Variants in MACF1 observed in about 807,000 individuals in gnomAD.
MACF1 encodes microtubule-actin cross-linking factor 1.
MACF1 carries 193 observed loss-of-function variants against 854.8 expected under a neutral mutation model. The ratio of observed to expected loss-of-function variants is 0.23; its 90% CI spans 0.20 to 0.25. MACF1 has a LOEUF of 0.25. Ranked by LOEUF, MACF1 falls within the 10% of genes least tolerant of loss-of-function variation. The probability of loss-of-function intolerance (pLI) is 1.00; values close to 1 mark genes in which losing one functional copy is unlikely to be tolerated. For missense variants in MACF1, 7,722 were observed against 8,929.1 expected, an observed-to-expected ratio of 0.86 and a Z score of 5.45; for synonymous variants, 3,185 against 3,226.7, an observed-to-expected ratio of 0.99 and a Z score of 0.44.
At chr1:39,111,845 T>C (rs1019337984) in intron 2 of MACF1, among the ~76,000 whole-genome samples, 2 of 152,280 alleles carry the variant, frequency 1.3e-5, no homozygotes, top group Non-Finnish European at 2.9e-5. Context: ...ATTTTTTTCT[T>C]CCAGAGCTTC....
At chr1:39,438,864 C>T (rs1644039150) in intron 71 of MACF1, among the ~76,000 whole-genome samples, 1 of 151,796 alleles carries the variant, frequency 6.6e-6, no homozygotes. Flanking sequence ...GGGTGGATCA[C>T]CTGAGGTCAG....
chr1:39,324,650 T>G lies in MACF1; in HGVS notation c.4394T>G (p.Leu1465Arg), dbSNP rs745327447. The change falls in exon 35 of 101, where the codon CTG (leucine) becomes CGG (arginine). Residue 1465 changes from leucine (L) to arginine (R), a missense_variant. By Grantham distance (102) the Leu-to-Arg change is moderately radical (BLOSUM62 -2). Coordinates refer to ENST00000564288, the MANE Select transcript of MACF1 (RefSeq NM_001394062.1). ...IEKAILEQQV[L>R]SEELTTKKEQ... ...CTCTTTATTTCTACCATGTAGGTTC[T>G]GTCAGAAGAGCTGACAACAAAGAAA... 4.3e-6 allele frequency: 7 copies of G among 1,612,106 alleles called. No individual in the cohort carries two copies. The highest frequency in any genetic ancestry group is 5.9e-6 in the Non-Finnish European group (7 of 1,178,636).
rs929080483 is a variant in MACF1, at chr1:39,102,574, A to G, written c.220+18136A>G. 22 of 603,326 alleles carry G rather than the reference A, an allele frequency of 3.6e-5. No homozygotes were observed. The African/African-American group carries it at 3.7e-4, about 10-fold the overall frequency. The allele number at this position is 603,326 out of a possible 1,614,324, so 37.4% of individuals were successfully genotyped here. On this transcript the variant is annotated intron_variant, in intron 2 of 93. Coordinates refer to the MACF1 transcript ENST00000361689. ...GGATGGCCCTGAGGCGAGATAACAC[A>G]TTAGAGGCGCTGAAAGAAATAGAAA... is the stretch of plus-strand genomic sequence containing the variant.
chr1:39,128,776 T>C (rs1642925872), intron 2 of MACF1, among the ~76,000 whole-genome samples: 2 of 152,202 alleles, frequency 1.3e-5, no homozygotes, highest in African/African-American at 4.8e-5. Context: ...TTTACTTACC[T>C]TTGAAGCTCA....
chr1:39,413,930 T>G, intron 58 of MACF1: 1 of 1,604,124 alleles, frequency 6.2e-7, no homozygotes, highest in Non-Finnish European at 8.5e-7. Flanking sequence ...GCAGCTTCAG[T>G]GCCCACCTCT....
At chr1:39,106,207 T>C (rs74069433) in intron 2 of MACF1, among the ~76,000 whole-genome samples, 2,512 of 151,984 alleles carry the variant, frequency 0.017, 56 homozygotes, top group African/African-American at 0.057. Context: ...AGCACCTTGG[T>C]GTCTTCGGGG....
intron 58 of MACF1, chr1:39,414,251 TGGAG>T: frequency 6.2e-7 from 1 of 1,614,050 alleles, no homozygotes; most frequent in Non-Finnish European, 8.5e-7. Context: ...GTGCCTCCTA[TGGAG>T]GAAGTTTCCC....
intron 88 of MACF1, among the ~76,000 whole-genome samples, chr1:39,454,163 A>G (rs528056972): frequency 6.6e-6 from 1 of 152,330 alleles, no homozygotes; most frequent in African/African-American, 2.4e-5. Flanking sequence ...GCACAGGTCC[A>G]CTTATATGCG....
intron 6 of MACF1, among the ~76,000 whole-genome samples, chr1:39,278,035 G>A (rs1044080713): frequency 6.6e-6 from 1 of 152,188 alleles, no homozygotes; most frequent in African/African-American, 2.4e-5. Context: ...TTTGGGAAGT[G>A]TGAGATGAAA....
chr1:39,385,633 T>A lies in MACF1; in HGVS notation c.14048T>A (p.Val4683Asp). ...SRSSQIDQAI[V>D]KSTQYQELLQ... ...TCCAGCCAAATTGACCAAGCTATTG[T>A]TAAGAGCACCCAGTACCAGGAACTG... The change falls in exon 57 of 101, where the codon GTT becomes GAT. Residue 4683 changes from valine to aspartate, a missense_variant. This residue lies in a region of MACF1 where 2,807 missense variants were observed against 3,235.8 expected (regional missense o/e 0.87). Transcript: ENST00000564288. The A allele has an allele frequency of 6.2e-7, 1 of 1,614,086 alleles. No homozygotes were observed. Among genetic ancestry groups the A allele is most frequent in the Non-Finnish European group, 8.5e-7 (1 of 1,180,016 alleles).
rs759743724 is a variant in MACF1 at position 39,285,326 on chromosome 1, A to G, written c.1289A>G (p.Lys430Arg). The part of the protein sequence containing the change: ...RLELLLQIAN[K>R]IQNGALNCEE... ...GAATTGCTGCTACAGATTGCAAACA[A>G]AATCCAGAATGGTGCTTTGAACTGT... Residue 430 changes from lysine to arginine, a missense_variant, in exon 13 of 101, where the codon AAA (lysine) becomes AGA (arginine). Transcript: ENST00000564288. 12 of 1,614,066 alleles carry G rather than the reference A, an allele frequency of 7.4e-6. No homozygotes were observed. The East Asian group carries it at 2.5e-4, about 33-fold the overall frequency.
chr1:39,448,537 C>T, intron 83 of MACF1, 57 bp from the exon 84 acceptor site: 4 of 1,375,804 alleles, frequency 2.9e-6, no homozygotes, highest in East Asian at 2.4e-5. Context: ...TCTTTTGTTC[C>T]AAATCAAGAT....
intron 1 of MACF1, among the ~76,000 whole-genome samples, chr1:39,226,141 G>T (rs1644713328): frequency 6.6e-6 from 1 of 152,134 alleles, no homozygotes; most frequent in Non-Finnish European, 1.5e-5. Context: ...CTCTAAGCAG[G>T]CTAGCTAGTC....
At chr1:39,372,375 C>T in intron 51 of MACF1, 104 bp from the exon 52 acceptor site, 1 of 657,494 alleles carries the variant, frequency 1.5e-6, no homozygotes, top group East Asian at 2.7e-5. Context: ...AGGATGGTCT[C>T]TTAATGCTTT....
At chr1:39,434,783 A>T in intron 69 of MACF1, 151 bp downstream of exon 69, 1 of 650,356 alleles carries the variant, frequency 1.5e-6, no homozygotes, top group Non-Finnish European at 2.6e-6. Context: ...ACATAATCTG[A>T]ATTATTTCCT....
In MACF1 at chr1:39,283,422, A is replaced by G. The variant is rs763756107; in HGVS notation, c.822A>G (p.Pro274=). Residue 274 remains proline, a synonymous_variant, in exon 9 of 101, where the codon CCA becomes CCG. Coordinates refer to ENST00000564288, the MANE Select transcript of MACF1 (RefSeq NM_001394062.1). This position sits in a 1 kb window ranked among gnomAD's most constrained non-coding sequence, Gnocchi z 4.5. ...RLLDAEDVDV[P]SPDEKSVITY... ...ATTCTCTCTCAGATGTGGATGTGCC[A>G]TCTCCAGATGAAAAGTCTGTAATCA... 3.1e-6 allele frequency: 5 copies of G among 1,610,636 alleles called. No individual in the cohort carries two copies. The highest frequency in any genetic ancestry group is 4.2e-6 in the Non-Finnish European group (5 of 1,176,778).
At chr1:39,299,365 A>G (rs1645994821) in intron 21 of MACF1, 3 of 445,062 alleles carry the variant, frequency 6.7e-6, no homozygotes, top group African/African-American at 6.1e-5. Flanking sequence ...CATCCATCCT[A>G]AGAAAGCCCT....
chr1:39,396,573 A>G (rs753372759), intron 58 of MACF1, among the ~76,000 whole-genome samples: 2 of 152,238 alleles, frequency 1.3e-5, no homozygotes, highest in Admixed American at 1.3e-4. Context: ...AGACTTGCAG[A>G]AAAGGACTGA....
Position 39,387,324 on chromosome 1 carries a change from C to A in MACF1, c.14482C>A (p.Arg4828=). The part of the protein sequence containing the change: ...KNCPISAKLE[R]LQSQLQENEE... Reference sequence around the variant, plus strand: ...CTGCCCAATTTCTGCAAAATTGGAGCGGCTACAGTCTCAGCTACAGGAGAA... The same window carrying A: ...CTGCCCAATTTCTGCAAAATTGGAGAGGCTACAGTCTCAGCTACAGGAGAA... Residue 4828 remains arginine, a synonymous_variant, in exon 58 of 101, where the codon CGG becomes AGG. Coordinates refer to ENST00000564288, the MANE Select transcript of MACF1 (RefSeq NM_001394062.1). 1 of 1,614,116 alleles carries A rather than the reference C, an allele frequency of 6.2e-7. No individual in the cohort carries two copies. The highest frequency in any genetic ancestry group is 8.5e-7 in the Non-Finnish European group (1 of 1,180,034).
Sources: allele counts gnomAD v4.1 joint callset (sites outside exome capture counted in the v4.1 genomes callset), GRCh38; gene constraint gnomAD v4.1.1; regional missense constraint gnomAD v4.1.1; non-coding constraint Gnocchi (gnomAD v3.1); transcripts MANE v1.5; gene names NCBI Gene and HGNC (gene_info 2026-07-23, HGNC 2026-07-21).